The following RABGEF1 variants were observed in gnomAD, a reference collection of about 807,000 sequenced individuals.
RABGEF1 encodes the protein rab5 GDP/GTP exchange factor.
Under a neutral mutation model 57.3 loss-of-function variants are expected in RABGEF1, and 26 were observed. That is an observed-to-expected ratio of 0.45 (90% CI 0.33 to 0.63). The LOEUF (loss-of-function observed/expected upper bound fraction) is 0.63, where lower values mean the gene tolerates loss of function less well. Among genes scored for constraint, RABGEF1 ranks in the 20% least tolerant of loss-of-function variants. The pLI is 0.02. For synonymous variants in RABGEF1, 185 were observed against 210.7 expected (o/e 0.88, Z 1.06); for missense variants, 464 against 607.6 (o/e 0.76, Z 2.48).
chr7:66,746,227 T>C (rs1452829995), intron 1 of RABGEF1, among the ~76,000 whole-genome samples: 1 of 152,224 alleles, frequency 6.6e-6, no homozygotes, highest in African/African-American at 2.4e-5. Context: ...TGGTGCTGTT[T>C]TGAAGTTTCC....
chr7:66,743,984 G>A (rs151265144), intron 1 of RABGEF1, among the ~76,000 whole-genome samples: 4 of 152,018 alleles, frequency 2.6e-5, no homozygotes, highest in African/African-American at 7.2e-5. Flanking sequence ...TAGCTGATAA[G>A]GATAAATGTT....
intron 1 of RABGEF1, among the ~76,000 whole-genome samples, chr7:66,685,185 T>C (rs1790419526): frequency 7.1e-6 from 1 of 141,700 alleles, no homozygotes; most frequent in African/African-American, 2.6e-5. Context: ...AGATGGAGTC[T>C]TGCTCTGTCG....
Position 66,752,370 on chromosome 7 carries a change from C to T in RABGEF1, c.-18+11578C>T, listed in dbSNP as rs375792209. Among the ~76,000 whole-genome samples the T allele has an allele frequency of 2.8e-4, 42 of 152,112 alleles. 1 individual carries two copies. In the South Asian group the frequency reaches 8.5e-3, roughly 31 times the overall value. ...ATTAGCCAGGTATGGTGGCGGGCAC[C>T]TGTAATCCCAGCTACTGGGAGGCTG... On this transcript the variant is annotated intron_variant, in intron 1 of 8. Transcript: ENST00000284957.
At chr7:66,688,575 C>T (rs997059022) in intron 1 of RABGEF1, among the ~76,000 whole-genome samples, 2 of 152,118 alleles carry the variant, frequency 1.3e-5, no homozygotes, top group African/African-American at 2.4e-5. Context: ...ATTTTATAAT[C>T]GTCATGGAAT....
chr7:66,799,516 G>A, intron 7 of RABGEF1, 102 bp downstream of exon 7: 1 of 949,552 alleles, frequency 1.1e-6, no homozygotes, highest in Non-Finnish European at 1.6e-6. Flanking sequence ...GATTGTCGAA[G>A]GTACATTGGA....
chr7:66,693,625 C>T (rs1299102543), intron 1 of RABGEF1, among the ~76,000 whole-genome samples: 3 of 152,180 alleles, frequency 2.0e-5, no homozygotes, highest in Non-Finnish European at 4.4e-5. Context: ...AAGTTTTCCA[C>T]ACTTACCAGT....
chr7:66,729,140 T>C (rs944197218), intron 2 of RABGEF1, among the ~76,000 whole-genome samples: 8 of 151,816 alleles, frequency 5.3e-5, no homozygotes, highest in East Asian at 1.9e-4. Flanking sequence ...TTAGTAGATA[T>C]GGGGTTTCAC....
chr7:66,721,412 C>T (rs549566682), intron 2 of RABGEF1, among the ~76,000 whole-genome samples: 1 of 152,140 alleles, frequency 6.6e-6, no homozygotes, highest in South Asian at 2.1e-4. Flanking sequence ...GTCACAGATT[C>T]GCCTTCTGGA....
intron 8 of RABGEF1, among the ~76,000 whole-genome samples, chr7:66,808,600 C>T (rs746729915): frequency 6.6e-5 from 10 of 152,074 alleles, no homozygotes; most frequent in Non-Finnish European, 1.3e-4. Context: ...GGACTATATC[C>T]TGGGTGGGGA....
At chr7:66,808,768 T>G in intron 8 of RABGEF1, 118 bp from the exon 9 acceptor site, 1 of 1,094,710 alleles carries the variant, frequency 9.1e-7, no homozygotes, top group Non-Finnish European at 1.3e-6. Context: ...AGTTCATGAG[T>G]TTGTTTTGTT....
At chr7:66,686,989 T>G (rs1370270857) in intron 1 of RABGEF1, among the ~76,000 whole-genome samples, 1 of 151,110 alleles carries the variant, frequency 6.6e-6, no homozygotes, top group Non-Finnish European at 1.5e-5. Context: ...GCCTGGCAAA[T>G]TTTTTATATT....
chr7:66,730,327 A>G (rs998170038), intron 2 of RABGEF1, among the ~76,000 whole-genome samples: 4 of 152,052 alleles, frequency 2.6e-5, no homozygotes, highest in Non-Finnish European at 5.9e-5. Flanking sequence ...TTCCTCATCT[A>G]TCGACAGGGG....
At chr7:66,656,533 T>G in the RABGEF1 span, among the ~76,000 whole-genome samples, 2 of 151,948 alleles carry the variant, frequency 1.3e-5, no homozygotes, top group Non-Finnish European at 2.9e-5. Context: ...TTAAAATGGG[T>G]CTCTCTGGCT....
chr7:66,691,300 C>T (rs1791480232), intron 1 of RABGEF1, among the ~76,000 whole-genome samples: 1 of 151,840 alleles, frequency 6.6e-6, no homozygotes, highest in African/African-American at 2.4e-5. Context: ...TAAAAATATA[C>T]ATCTACACAA....
chr7:66,723,216 G>A (rs952516930), intron 2 of RABGEF1, among the ~76,000 whole-genome samples: 5 of 152,080 alleles, frequency 3.3e-5, no homozygotes, highest in African/African-American at 1.2e-4. Flanking sequence ...TTATCTGCCT[G>A]CCTCAGCCTC....
intron 2 of RABGEF1, among the ~76,000 whole-genome samples, chr7:66,735,271 G>A (rs756994485): frequency 6.6e-6 from 1 of 152,104 alleles, no homozygotes; most frequent in Non-Finnish European, 1.5e-5. Flanking sequence ...CTCCTTTGTA[G>A]CCTATTCCAA....
chr7:66,785,875 G>T (rs1278063306), intron 4 of RABGEF1, among the ~76,000 whole-genome samples: 2 of 149,234 alleles, frequency 1.3e-5, no homozygotes, highest in Non-Finnish European at 2.9e-5. Flanking sequence ...CTCCATCTGG[G>T]GGGGAAAAAA....
At chr7:66,794,638 T>C (rs1337209109) in intron 4 of RABGEF1, among the ~76,000 whole-genome samples, 1 of 152,218 alleles carries the variant, frequency 6.6e-6, no homozygotes, top group Non-Finnish European at 1.5e-5. Flanking sequence ...AATGACAGTG[T>C]GCACTGAGTT....
chr7:66,766,390 T>C (rs1187281262), intron 1 of RABGEF1, among the ~76,000 whole-genome samples: 1 of 152,186 alleles, frequency 6.6e-6, no homozygotes, highest in Non-Finnish European at 1.5e-5. Flanking sequence ...GATTTCTTAA[T>C]GTTAGTATCT....
Sources: allele counts gnomAD v4.1 joint callset (sites outside exome capture counted in the v4.1 genomes callset), GRCh38; gene constraint gnomAD v4.1.1; transcripts MANE v1.5; gene names NCBI Gene and HGNC (gene_info 2026-07-23, HGNC 2026-07-21).